MCPH1: variants seen among roughly 807,000 people sequenced by gnomAD.
MCPH1 encodes microcephalin 1.
A neutral mutation model predicts 84.5 loss-of-function variants in MCPH1; 104 were observed. That is an observed-to-expected ratio of 1.23 (90% CI 1.05 to 1.45). The LOEUF is 1.45. Among genes scored for constraint, MCPH1 ranks in the 40% most tolerant of loss-of-function variants. The probability of loss-of-function intolerance (pLI) is 0.00; values close to 1 mark genes in which losing one functional copy is unlikely to be tolerated. For missense variants in MCPH1, 1,498 were observed against 1,005.7 expected (o/e 1.49, Z -6.62); for synonymous variants, 514 against 366.8 (o/e 1.40, Z -4.58).
chr8:6,542,811 C>G (rs552768638), intron 12 of MCPH1, among the ~76,000 whole-genome samples: 1 of 151,918 alleles, frequency 6.6e-6, no homozygotes, highest in African/African-American at 2.4e-5. Context: ...TTTTCTTTTT[C>G]CAATAAACTG....
At chr8:6,531,325 G>C (rs540141914) in intron 12 of MCPH1, among the ~76,000 whole-genome samples, 1 of 144,072 alleles carries the variant, frequency 6.9e-6, no homozygotes, top group East Asian at 2.0e-4. Flanking sequence ...GTCTCACTCT[G>C]TTGCCCAGGC....
chr8:6,439,426 T>C (rs1396833724), intron 6 of MCPH1, among the ~76,000 whole-genome samples: 1 of 151,662 alleles, frequency 6.6e-6, no homozygotes, highest in Non-Finnish European at 1.5e-5. Flanking sequence ...GTTTTGCATT[T>C]GTCACCCAGG....
At chr8:6,623,394 CTCTT>C (rs1345411390) in intron 13 of MCPH1, among the ~76,000 whole-genome samples, 1 of 152,016 alleles carries the variant, frequency 6.6e-6, no homozygotes, top group Non-Finnish European at 1.5e-5. Flanking sequence ...CTTTTTCTCT[CTCTT>C]TGCTTCCATC....
chr8:6,508,714 A>G (rs1167760201), intron 12 of MCPH1: 3 of 649,600 alleles, frequency 4.6e-6, no homozygotes, highest in African/African-American at 1.8e-5. Flanking sequence ...GAGGAGACAC[A>G]GTTGGCTTGC....
At chr8:6,480,275 C>T (rs1809029366) in intron 10 of MCPH1, among the ~76,000 whole-genome samples, 1 of 152,190 alleles carries the variant, frequency 6.6e-6, no homozygotes, top group Admixed American at 6.5e-5. Context: ...CAGGCGCGTG[C>T]CACCACGCCT....
At chr8:6,410,601 T>C (rs908409895) in intron 2 of MCPH1, among the ~76,000 whole-genome samples, 11 of 152,200 alleles carry the variant, frequency 7.2e-5, no homozygotes, top group African/African-American at 2.7e-4. Context: ...AATAGGTATC[T>C]TTTGCCCACG....
chr8:6,498,875 C>T (rs1811605387), intron 11 of MCPH1, among the ~76,000 whole-genome samples: 1 of 151,872 alleles, frequency 6.6e-6, no homozygotes. Context: ...ACGGTGAAAC[C>T]CGATCTCTAC....
chr8:6,615,642 T>C (rs1830713930), intron 12 of MCPH1: 1 of 152,256 alleles, frequency 6.6e-6, no homozygotes, highest in Admixed American at 6.5e-5. Flanking sequence ...TAAATGTGTG[T>C]ACACAGTACA....
chr8:6,598,862 C>T (rs971118620), intron 12 of MCPH1, among the ~76,000 whole-genome samples: 9 of 152,266 alleles, frequency 5.9e-5, no homozygotes, highest in Non-Finnish European at 1.3e-4. Context: ...CGATGCATTG[C>T]AGAATGTAAC....
intron 9 of MCPH1, among the ~76,000 whole-genome samples, chr8:6,475,543 C>G (rs1436428406): frequency 1.3e-5 from 2 of 152,208 alleles, no homozygotes; most frequent in African/African-American, 2.4e-5. Flanking sequence ...TGTGCAAATT[C>G]AGCACACCAA....
At chr8:6,549,174 T>G (rs17623747) in intron 12 of MCPH1, among the ~76,000 whole-genome samples, 6,476 of 152,284 alleles carry the variant, frequency 0.043, 199 homozygotes, top group East Asian at 0.095. Flanking sequence ...GTTTGTACAG[T>G]TGAGTGTTGA....
At chr8:6,506,909 T>G (rs1813840392) in intron 12 of MCPH1, among the ~76,000 whole-genome samples, 1 of 152,186 alleles carries the variant, frequency 6.6e-6, no homozygotes, top group African/African-American at 2.4e-5. Flanking sequence ...GATGCTTTTT[T>G]TTTTTGAGAC....
intron 4 of MCPH1, among the ~76,000 whole-genome samples, chr8:6,433,313 C>G (rs1286751642): frequency 6.6e-6 from 1 of 152,054 alleles, no homozygotes; most frequent in Non-Finnish European, 1.5e-5. Flanking sequence ...TTTGATTTTA[C>G]CAGCTCCACC....
At chr8:6,528,604 G>A (rs1818831090) in intron 12 of MCPH1, among the ~76,000 whole-genome samples, 1 of 152,236 alleles carries the variant, frequency 6.6e-6, no homozygotes, top group South Asian at 2.1e-4. Flanking sequence ...GGGCCTTTGT[G>A]AGCTACTGCG....
chr8:6,578,693 G>A (rs1367743248), intron 12 of MCPH1, among the ~76,000 whole-genome samples: 1 of 152,180 alleles, frequency 6.6e-6, no homozygotes, highest in African/African-American at 2.4e-5. Flanking sequence ...GTGTCAACAT[G>A]TCCAAGCTCT....
At chr8:6,513,401 C>T (rs1274617433) in intron 12 of MCPH1, among the ~76,000 whole-genome samples, 2 of 150,034 alleles carry the variant, frequency 1.3e-5, no homozygotes, top group Non-Finnish European at 1.5e-5. Context: ...GGCACGATCT[C>T]GGCTCACTGC....
At chr8:6,482,007 G>A (rs1809309646) in intron 11 of MCPH1, among the ~76,000 whole-genome samples, 2 of 152,234 alleles carry the variant, frequency 1.3e-5, no homozygotes, top group South Asian at 4.1e-4. Flanking sequence ...ATTCTCCCTG[G>A]GATGTGAATC....
intron 12 of MCPH1, among the ~76,000 whole-genome samples, chr8:6,551,058 G>T (rs986427493): frequency 2.0e-5 from 3 of 152,156 alleles, no homozygotes; most frequent in Non-Finnish European, 4.4e-5. Context: ...TTTGAGAAGG[G>T]GTAAGTGTGC....
At chr8:6,500,259 G>A in intron 12 of MCPH1, 1 of 325,272 alleles carries the variant, frequency 3.1e-6, no homozygotes, top group South Asian at 3.0e-5. Flanking sequence ...ACTGTTAATA[G>A]AAATAGAACT....
Sources: allele counts gnomAD v4.1 joint callset (sites outside exome capture counted in the v4.1 genomes callset), GRCh38; gene constraint gnomAD v4.1.1; transcripts MANE v1.5; gene names NCBI Gene and HGNC (gene_info 2026-07-23, HGNC 2026-07-21).